TBX15: variants seen among roughly 807,000 people sequenced by gnomAD.
TBX15 encodes T-box transcription factor TBX15.
In TBX15, 18 loss-of-function variants were observed where a neutral mutation model predicts 53.9. That is an observed-to-expected ratio of 0.33 (90% CI 0.23 to 0.49). The LOEUF is 0.49. TBX15 is among the 20% of genes least tolerant of loss of function. TBX15 has a pLI of 0.98. For missense variants in TBX15, 692 were observed against 749.5 expected, an observed-to-expected ratio of 0.92 and a Z score of 0.90; for synonymous variants, 295 against 278.0, an observed-to-expected ratio of 1.06 and a Z score of -0.61.
intron 6 of TBX15, among the ~76,000 whole-genome samples, chr1:118,900,965 T>C (rs1352042036): frequency 3.9e-5 from 6 of 152,166 alleles, no homozygotes; most frequent in Non-Finnish European, 8.8e-5. Flanking sequence ...GAACATGTAC[T>C]GATGATGAGG....
At chr1:118,955,971 T>A (rs1271802097) in intron 1 of TBX15, among the ~76,000 whole-genome samples, 1 of 152,142 alleles carries the variant, frequency 6.6e-6, no homozygotes, top group African/African-American at 2.4e-5. Context: ...GGCTTCTCCA[T>A]CCATAATCTC....
intron 1 of TBX15, among the ~76,000 whole-genome samples, chr1:118,964,828 C>G (rs991533968): frequency 6.6e-5 from 10 of 152,158 alleles, no homozygotes; most frequent in African/African-American, 2.2e-4. Flanking sequence ...GTTTGGGTCC[C>G]CCTCCAGGCT....
intron 7 of TBX15, 81 bp from the exon 8 acceptor site, chr1:118,885,597 G>A: frequency 6.6e-7 from 1 of 1,521,108 alleles, no homozygotes; most frequent in Non-Finnish European, 8.9e-7. Flanking sequence ...CCATACAGGA[G>A]GTGCCTTCAA....
intron 6 of TBX15, among the ~76,000 whole-genome samples, chr1:118,906,612 C>T (rs186839850): frequency 6.6e-6 from 1 of 152,150 alleles, no homozygotes; most frequent in Non-Finnish European, 1.5e-5. Context: ...TGGGAAAGTT[C>T]TTTACTCCCA....
chr1:118,960,674 C>A (rs1251791005), intron 1 of TBX15, among the ~76,000 whole-genome samples: 2 of 152,224 alleles, frequency 1.3e-5, no homozygotes, highest in African/African-American at 2.4e-5. Context: ...GCCTCCCAGG[C>A]AGGCTACTGA....
intron 1 of TBX15, among the ~76,000 whole-genome samples, chr1:118,962,320 T>TTGCCTACATAACCTCAAATCG (rs1553226651): frequency 6.6e-6 from 1 of 152,204 alleles, no homozygotes; most frequent in East Asian, 1.9e-4. Context: ...CAACTTCTGG[T>TTGCCTACATAACCTCAAATCG]TGCCTACATA....
In TBX15 at chr1:118,885,002, G is replaced by A. The variant is rs1190550193; in HGVS notation, c.1539C>T (p.Asn513=). The A allele has an allele frequency of 6.2e-7, 1 of 1,614,158 alleles. No homozygotes were observed. The highest frequency in any genetic ancestry group is 1.7e-5 in the Admixed American group (1 of 60,018). Residue 513 remains asparagine (N), a synonymous_variant, in exon 8 of 8, where the codon AAC becomes AAT. Coordinates refer to ENST00000369429, the MANE Select transcript of TBX15 (RefSeq NM_001330677.2). ...AATTGTATCCATACAGGTTGTAAGG[G>A]TTGTGAAGGGAGAAGGCATTGTAGG... ...QSSYNAFSLH[N]PYNLYGYNFP...
intron 7 of TBX15, among the ~76,000 whole-genome samples, chr1:118,893,405 GA>G (rs1366195689): frequency 1.6e-4 from 20 of 125,722 alleles, no homozygotes; most frequent in South Asian, 2.6e-4. Context: ...AAGAAAGAAA[GA>G]AAGGAAGAAG....
At chr1:118,925,188 G>C (rs939586127) in intron 3 of TBX15, among the ~76,000 whole-genome samples, 2 of 152,166 alleles carry the variant, frequency 1.3e-5, no homozygotes, top group African/African-American at 4.8e-5. Context: ...TATAGAAAAG[G>C]CATTTTACTG....
intron 1 of TBX15, among the ~76,000 whole-genome samples, chr1:118,958,808 T>C (rs894254135): frequency 2.6e-5 from 4 of 152,144 alleles, no homozygotes; most frequent in Non-Finnish European, 4.4e-5. Context: ...CCTCCTCTGC[T>C]TTCTGATGGC....
rs745760585 is a variant in TBX15 at position 118,893,633 on chromosome 1, G to GAA, written c.1024+5393_1024+5394dup. ...AAAGAAAGAGAGAGAGAAAGAAAAAGAAAGAAAGAAAGGGAGGGAGGGAAG... is the reference window on the plus strand; with the variant it reads ...AAAGAAAGAGAGAGAGAAAGAAAAAGAAAAAGAAAGAAAGGGAGGGAGGGAAG... On this transcript the variant is annotated intron_variant, in intron 7 of 7. Transcript: ENST00000369429. Among the ~76,000 whole-genome samples, 6 of 146,136 alleles carry GAA rather than the reference G, an allele frequency of 4.1e-5. 1 individual carries two copies. The highest frequency in any genetic ancestry group is 1.4e-4 in the African/African-American group (5 of 36,414).
In TBX15 at chr1:118,919,902, G is replaced by A. The variant is rs1017653455; in HGVS notation, c.861+3534C>T. Among the ~76,000 whole-genome samples, 5 of 152,000 alleles carry A rather than the reference G, an allele frequency of 3.3e-5. No individual in the cohort carries two copies. The East Asian group carries it at 9.6e-4, about 29-fold the overall frequency. On this transcript the variant is annotated intron_variant, in intron 5 of 7. Transcript: ENST00000369429. ...TGACATTTTTATATCAAAAAAGTAG[G>A]AAAGACAAAATAAAATAGTCTATTA... is the stretch of plus-strand genomic sequence containing the variant.
At chr1:118,911,830 A>G (rs976457712) in intron 6 of TBX15, among the ~76,000 whole-genome samples, 3 of 152,186 alleles carry the variant, frequency 2.0e-5, no homozygotes, top group African/African-American at 4.8e-5. Context: ...CCCAGAGTGC[A>G]TAGTTGGTAG....
chr1:118,944,147 A>G (rs1358516227), intron 1 of TBX15, among the ~76,000 whole-genome samples: 3 of 151,936 alleles, frequency 2.0e-5, no homozygotes, highest in Admixed American at 6.6e-5. Flanking sequence ...TCACATCCCA[A>G]CTTCCCAGAC....
At chr1:118,893,506 G>A (rs1164210320) in intron 7 of TBX15, among the ~76,000 whole-genome samples, 2 of 124,418 alleles carry the variant, frequency 1.6e-5, no homozygotes, top group Non-Finnish European at 1.6e-5. Context: ...AAGAAAGAAA[G>A]AAAGAAAGAA....
At chr1:118,947,244 G>T (rs1656376798) in intron 1 of TBX15, among the ~76,000 whole-genome samples, 1 of 152,214 alleles carries the variant, frequency 6.6e-6, no homozygotes, top group Non-Finnish European at 1.5e-5. Flanking sequence ...GAACATTTTG[G>T]TGAGCTCAGT....
At position 118,988,238 on chromosome 1, in the gene TBX15, G is replaced by C. The variant is rs1007284476; in HGVS notation, c.-443C>G. On this transcript the variant is annotated 5_prime_UTR_variant, in exon 1 of 8. In the 5' UTR this introduces an upstream ATG that the reference lacks. Transcript: ENST00000369429. ...CTCTCTGCCTTCCCGTCCTCCCTGT[G>C]ATCCAAACTTCTGGGAAACTTTTTT... The C allele has an allele frequency of 6.2e-6, 1 of 161,250 alleles. No homozygotes were observed. Among genetic ancestry groups the C allele is most frequent in the African/African-American group, 2.4e-5 (1 of 41,356 alleles). 10.0% of individuals were successfully genotyped at this position (161,250 alleles called of 1,614,324 possible).
intron 7 of TBX15, among the ~76,000 whole-genome samples, chr1:118,886,316 T>TA (rs761704378): frequency 3.3e-5 from 5 of 152,024 alleles, no homozygotes; most frequent in Admixed American, 1.3e-4. Flanking sequence ...AACAAGAAGC[T>TA]AAAAAGGCCT....
chr1:118,962,486 C>T (rs142328379), intron 1 of TBX15, among the ~76,000 whole-genome samples: 2,608 of 152,224 alleles, frequency 0.017, 32 homozygotes, highest in South Asian at 0.048. Context: ...ATTTAAATGA[C>T]AATGATGCTC....
Sources: allele counts gnomAD v4.1 joint callset (sites outside exome capture counted in the v4.1 genomes callset), GRCh38; gene constraint gnomAD v4.1.1; transcripts MANE v1.5; gene names NCBI Gene and HGNC (gene_info 2026-07-23, HGNC 2026-07-21).